CCDC150: variants seen among roughly 807,000 people sequenced by gnomAD.
CCDC150 encodes coiled-coil domain containing 150.
A neutral mutation model predicts 156.5 loss-of-function variants in CCDC150; 151 were observed. The ratio of observed to expected loss-of-function variants is 0.97; its 90% CI spans 0.85 to 1.10. The LOEUF (loss-of-function observed/expected upper bound fraction) is 1.10. CCDC150 is among the 50% of genes least tolerant of loss of function. The probability of loss-of-function intolerance (pLI) is 0.00; values close to 1 mark genes in which losing one functional copy is unlikely to be tolerated. For missense variants in CCDC150, 1,312 were observed against 1,268.1 expected, an observed-to-expected ratio of 1.03 and a Z score of -0.53; for synonymous variants, 452 against 429.4, an observed-to-expected ratio of 1.05 and a Z score of -0.65.
chr2:196,685,437 C>T (rs908869943), intron 13 of CCDC150, among the ~76,000 whole-genome samples: 2 of 152,134 alleles, frequency 1.3e-5, no homozygotes, highest in South Asian at 4.1e-4. Context: ...AATTACTCCA[C>T]GTTTTAGGTG....
At chr2:196,648,675 C>T (rs1201374366) in intron 2 of CCDC150, among the ~76,000 whole-genome samples, 2 of 152,024 alleles carry the variant, frequency 1.3e-5, no homozygotes, top group Admixed American at 6.6e-5. Flanking sequence ...CTTTTGTTGC[C>T]TGTGCTTTGG....
intron 21 of CCDC150, 113 bp from the exon 22 acceptor site, chr2:196,725,860 T>C: frequency 3.2e-6 from 3 of 946,500 alleles, no homozygotes; most frequent in Non-Finnish European, 4.6e-6. Flanking sequence ...ACTGATAGGC[T>C]GCTTGTTTAT....
chr2:196,692,585 C>T (rs947416829), intron 13 of CCDC150, among the ~76,000 whole-genome samples: 7 of 152,150 alleles, frequency 4.6e-5, no homozygotes, highest in Non-Finnish European at 7.3e-5. Context: ...ATTACTTACC[C>T]AGGAGTCATT....
intron 4 of CCDC150, 170 bp downstream of exon 4, chr2:196,657,306 A>G: frequency 1.6e-6 from 1 of 615,220 alleles, no homozygotes; most frequent in Non-Finnish European, 2.8e-6. Context: ...ATTTGCACTG[A>G]TAACCTAAAC....
At chr2:196,730,662 A>C (rs776176580) in intron 25 of CCDC150, among the ~76,000 whole-genome samples, 197 bp from the exon 26 acceptor site, 7 of 152,244 alleles carry the variant, frequency 4.6e-5, no homozygotes, top group African/African-American at 9.6e-5. Flanking sequence ...ATGTGTAATC[A>C]TATCCACATA....
intron 13 of CCDC150, among the ~76,000 whole-genome samples, chr2:196,691,387 C>T (rs952000616): frequency 1.3e-5 from 2 of 152,030 alleles, no homozygotes; most frequent in East Asian, 1.9e-4. Context: ...TTTCTGAACT[C>T]GTTATTAGTC....
intron 22 of CCDC150, among the ~76,000 whole-genome samples, chr2:196,728,471 C>T (rs985591792): frequency 6.6e-6 from 1 of 152,170 alleles, no homozygotes; most frequent in African/African-American, 2.4e-5. Flanking sequence ...CAACTACCTC[C>T]TCTTCCTAAA....
At chr2:196,674,866 T>G (rs563834678) in intron 10 of CCDC150, among the ~76,000 whole-genome samples, 4 of 152,316 alleles carry the variant, frequency 2.6e-5, no homozygotes, top group African/African-American at 9.6e-5. Flanking sequence ...TCTCTTTTTG[T>G]AAGCATACTT....
chr2:196,663,287 A>G (rs1693658064), intron 5 of CCDC150, among the ~76,000 whole-genome samples: 2 of 152,178 alleles, frequency 1.3e-5, no homozygotes, highest in South Asian at 4.1e-4. Flanking sequence ...CCCAAAAAAC[A>G]ATGGACAAAA....
chr2:196,704,069 A>G (rs933544078), intron 15 of CCDC150, among the ~76,000 whole-genome samples: 1 of 152,266 alleles, frequency 6.6e-6, no homozygotes, highest in Admixed American at 6.5e-5. Context: ...GAAGAGCTGT[A>G]TACTAAACAT....
At chr2:196,668,641 A>G (rs17199088) in intron 7 of CCDC150, among the ~76,000 whole-genome samples, 17,371 of 152,244 alleles carry the variant, frequency 0.11, 1,100 homozygotes, top group Middle Eastern at 0.19. Context: ...TTTGAGCTAC[A>G]TTAATAAAAG....
chr2:196,674,413 G>T, intron 10 of CCDC150, 65 bp downstream of exon 10: 1 of 854,946 alleles, frequency 1.2e-6, no homozygotes, highest in South Asian at 1.6e-5. Context: ...AAATGTTTAT[G>T]GCCAACTGGA....
At chr2:196,651,513 T>C (rs1404740680) in intron 2 of CCDC150, among the ~76,000 whole-genome samples, 1 of 152,226 alleles carries the variant, frequency 6.6e-6, no homozygotes, top group African/African-American at 2.4e-5. Flanking sequence ...CTTCATTGCC[T>C]CTTTGTTTTT....
chr2:196,732,170 A>T lies in CCDC150; in HGVS notation c.3189+18A>T. On this transcript the variant is annotated intron_variant, in intron 27 of 27. Coordinates refer to ENST00000389175, the MANE Select transcript of CCDC150 (RefSeq NM_001080539.2). ...AGGAAAAGGTAAGATTAAGACATGG[A>T]TGTCTTAAGCAATTTTCTACTTGTT... 3 of 1,613,520 alleles carry T rather than the reference A, an allele frequency of 1.9e-6. No homozygotes were observed. Among genetic ancestry groups the T allele is most frequent in the Non-Finnish European group, 2.5e-6 (3 of 1,179,692 alleles).
At chr2:196,674,716 T>A (rs923307582) in intron 10 of CCDC150, among the ~76,000 whole-genome samples, 6 of 152,194 alleles carry the variant, frequency 3.9e-5, no homozygotes, top group Non-Finnish European at 5.9e-5. Flanking sequence ...TTACTTCATC[T>A]TCAATATCTG....
intron 13 of CCDC150, among the ~76,000 whole-genome samples, chr2:196,688,197 A>G (rs943950705): frequency 2.0e-5 from 3 of 152,190 alleles, no homozygotes; most frequent in African/African-American, 7.2e-5. Context: ...TTTGGGCAGT[A>G]TGGCCATTTT....
At chr2:196,674,218 A>T (rs1384223906) in intron 9 of CCDC150, 23 bp from the exon 10 acceptor site, 1 of 1,378,962 alleles carries the variant, frequency 7.3e-7, no homozygotes, top group Admixed American at 1.9e-5. Flanking sequence ...GAGACCAATG[A>T]CTTGCTGTGT....
intron 8 of CCDC150, among the ~76,000 whole-genome samples, chr2:196,670,773 A>T (rs6713184): frequency 0.77 from 116,458 of 152,068 alleles, 44,710 homozygotes; most frequent in East Asian, 0.84. Context: ...GATACTAGGT[A>T]TATTTAGGCT....
At chr2:196,681,952 TA>T (rs996702860) in intron 13 of CCDC150, among the ~76,000 whole-genome samples, 5 of 152,152 alleles carry the variant, frequency 3.3e-5, no homozygotes, top group Non-Finnish European at 7.4e-5. Context: ...ATAAAAGTTT[TA>T]AAAATTTTAA....
Sources: allele counts gnomAD v4.1 joint callset (sites outside exome capture counted in the v4.1 genomes callset), GRCh38; gene constraint gnomAD v4.1.1; transcripts MANE v1.5; gene names NCBI Gene and HGNC (gene_info 2026-07-23, HGNC 2026-07-21).